Variants in SSBP3 observed in about 807,000 individuals in gnomAD.
SSBP3 encodes the protein single stranded DNA binding protein 3, also known as single-stranded DNA-binding protein 3.
SSBP3 carries 5 observed loss-of-function variants against 69.6 expected under a neutral mutation model. That is an observed-to-expected ratio of 0.07 (90% CI 0.04 to 0.15). SSBP3 has a LOEUF of 0.15. SSBP3 is among the 10% of genes least tolerant of loss of function. The pLI is 1.00. For missense variants in SSBP3, 312 were observed against 534.0 expected (o/e 0.58, Z 4.10); for synonymous variants, 196 against 193.4 (o/e 1.01, Z -0.11).
intron 4 of SSBP3, among the ~76,000 whole-genome samples, chr1:54,346,526 G>A (rs1240904283): frequency 5.9e-5 from 9 of 151,958 alleles, no homozygotes; most frequent in Non-Finnish European, 1.2e-4. Flanking sequence ...TAGAAATACA[G>A]TCTCCTGGCT....
At chr1:54,369,221 G>GGGC (rs1553146718) in intron 4 of SSBP3, among the ~76,000 whole-genome samples, 1 of 150,516 alleles carries the variant, frequency 6.6e-6, no homozygotes, top group African/African-American at 2.5e-5. Context: ...CTTGAGTCGG[G>GGGC]GGGGGGGCCC....
chr1:54,385,206 G>C (rs1475001151), intron 4 of SSBP3, among the ~76,000 whole-genome samples: 1 of 152,124 alleles, frequency 6.6e-6, no homozygotes, highest in South Asian at 2.1e-4. Context: ...AGATCGTTTG[G>C]GGACAGGGAG....
chr1:54,322,552 A>G (rs1415878941), intron 4 of SSBP3, among the ~76,000 whole-genome samples: 3 of 152,136 alleles, frequency 2.0e-5, no homozygotes, highest in African/African-American at 7.2e-5. Context: ...GACACCTATC[A>G]AATACCATGT....
intron 4 of SSBP3, among the ~76,000 whole-genome samples, chr1:54,348,556 C>T (rs1289466259): frequency 2.0e-5 from 3 of 152,302 alleles, no homozygotes; most frequent in African/African-American, 7.2e-5. Context: ...CACTTCCGTC[C>T]AGGGGTTGGG....
chr1:54,237,864 C>T, intron 14 of SSBP3: 1 of 334,636 alleles, frequency 3.0e-6, no homozygotes, highest in Non-Finnish European at 6.0e-6. Flanking sequence ...GTGATGTGAT[C>T]CATGGTGAAT....
intron 4 of SSBP3, among the ~76,000 whole-genome samples, chr1:54,306,107 T>C (rs1645896471): frequency 1.3e-5 from 2 of 151,944 alleles, no homozygotes; most frequent in African/African-American, 4.8e-5. Flanking sequence ...GACTGGCAGC[T>C]CCTGGGTTCA....
At position 54,336,324 on chromosome 1, in the gene SSBP3, G is replaced by T. The variant is rs148775612; in HGVS notation, c.277-54797C>A. On this transcript the variant is annotated intron_variant, in intron 4 of 17. Coordinates refer to ENST00000610401, the Ensembl canonical transcript of SSBP3. ...GCCCCCCACGTTGGGGGACTCACCG[G>T]AAATCTTCCTGAAGCCCTCAGAGGC... is the stretch of plus-strand genomic sequence containing the variant. Among the ~76,000 whole-genome samples, 1,078 of 152,248 alleles carry T rather than the reference G, an allele frequency of 7.1e-3. 17 individuals carry two copies. The highest frequency in any genetic ancestry group is 0.025 in the African/African-American group (1,018 of 41,532).
chr1:54,394,848 G>A (rs920843368), intron 4 of SSBP3, among the ~76,000 whole-genome samples: 1 of 151,436 alleles, frequency 6.6e-6, no homozygotes. Flanking sequence ...GACTACAGGC[G>A]CCTGCCACTA....
rs947067720 is a variant in SSBP3, at chr1:54,226,846, C to T, written c.*285G>A. 4.4e-5 allele frequency: 19 copies of T among 432,714 alleles called. No individual in the cohort carries two copies. In the East Asian group the frequency reaches 6.2e-4, roughly 14 times the overall value. The allele number at this position is 432,714 out of a possible 1,614,324, so 26.8% of individuals were successfully genotyped here. On this transcript the variant is annotated 3_prime_UTR_variant, in exon 18 of 18. Transcript: ENST00000610401. ...AAAAGTGTCATGTACAGAAAAGGTC[C>T]TTTGGGGAAAGGGCAAGGGGTGGGA...
intron 4 of SSBP3, among the ~76,000 whole-genome samples, chr1:54,385,770 T>C (rs1557583888): frequency 6.6e-6 from 1 of 152,058 alleles, no homozygotes; most frequent in African/African-American, 2.4e-5. Flanking sequence ...CTGAGTACAA[T>C]CCCCATTTTA....
intron 14 of SSBP3, among the ~76,000 whole-genome samples, chr1:54,229,768 G>A (rs956556772): frequency 3.9e-5 from 6 of 152,288 alleles, no homozygotes; most frequent in African/African-American, 1.4e-4. Flanking sequence ...TGGAGGTGGT[G>A]GAATGGAGGG....
In SSBP3 at chr1:54,269,940, A is replaced by G. The variant is rs113132352; in HGVS notation, c.366+11498T>C. Among the ~76,000 whole-genome samples the G allele has an allele frequency of 7.4e-3, 1,125 of 152,290 alleles. 6 individuals carry two copies. Among genetic ancestry groups the G allele is most frequent in the Non-Finnish European group, 0.011 (728 of 68,022 alleles). Reference sequence around the variant, plus strand: ...AGCCTAGCCTAGGTCTGCCCTGTGGACGATGATTGTGTGGGGGCCAGAGGC... The same window carrying G: ...AGCCTAGCCTAGGTCTGCCCTGTGGGCGATGATTGTGTGGGGGCCAGAGGC... On this transcript the variant is annotated intron_variant, in intron 5 of 17. Coordinates refer to ENST00000610401, the Ensembl canonical transcript of SSBP3.
chr1:54,373,770 A>G (rs1647173847), intron 4 of SSBP3, among the ~76,000 whole-genome samples: 2 of 137,918 alleles, frequency 1.5e-5, no homozygotes, highest in Non-Finnish European at 3.2e-5. Context: ...CTGTTTCAAG[A>G]AAAAAAAAAA....
chr1:54,240,073 T>C (rs539218230), intron 13 of SSBP3, among the ~76,000 whole-genome samples: 9 of 26,190 alleles, frequency 3.4e-4, no homozygotes, highest in East Asian at 1.5e-3. Flanking sequence ...TGTGTGTGTG[T>C]GTGTGTGTGT....
chr1:54,304,686 G>A (rs753398374), intron 4 of SSBP3, among the ~76,000 whole-genome samples: 3 of 152,196 alleles, frequency 2.0e-5, no homozygotes, highest in South Asian at 2.1e-4. Context: ...GGTCACTGGA[G>A]CCAGACCCCA....
chr1:54,242,287 GAAGGA>G, intron 10 of SSBP3, 75 bp from the exon 11 acceptor site: 3 of 1,553,110 alleles, frequency 1.9e-6, no homozygotes, highest in Admixed American at 1.7e-5. Flanking sequence ...AGCAGGGGCA[GAAGGA>G]AAGGGCTGAA....
At chr1:54,284,474 TA>T (rs1645452202) in intron 4 of SSBP3, among the ~76,000 whole-genome samples, 1 of 151,788 alleles carries the variant, frequency 6.6e-6, no homozygotes, top group Non-Finnish European at 1.5e-5. Flanking sequence ...AAAAAAAAAT[TA>T]AAATTATTAT....
chr1:54,339,160 CAG>C (rs1428115746), intron 4 of SSBP3, among the ~76,000 whole-genome samples: 1 of 149,974 alleles, frequency 6.7e-6, no homozygotes, highest in Non-Finnish European at 1.5e-5. Flanking sequence ...CAATCTGTAA[CAG>C]AAAAAAAAAG....
chr1:54,324,314 G>A (rs1646264363), intron 4 of SSBP3, among the ~76,000 whole-genome samples: 1 of 152,202 alleles, frequency 6.6e-6, no homozygotes, highest in African/African-American at 2.4e-5. Flanking sequence ...CAGGCAAGGG[G>A]TTGGTCCCTT....
Sources: allele counts gnomAD v4.1 joint callset (sites outside exome capture counted in the v4.1 genomes callset), GRCh38; gene constraint gnomAD v4.1.1; transcripts MANE v1.5; gene names NCBI Gene and HGNC (gene_info 2026-07-23, HGNC 2026-07-21).